Variants in COL19A1 observed in about 807,000 individuals in gnomAD.
COL19A1 encodes collagen alpha-1(XIX) chain.
Under a neutral mutation model 190.2 loss-of-function variants are expected in COL19A1, and 159 were observed. The observed-to-expected ratio is 0.84, with a 90% CI of 0.73 to 0.95. COL19A1 has a LOEUF of 0.95. Among genes scored for constraint, COL19A1 ranks in the 40% least tolerant of loss-of-function variants. The pLI, the probability that COL19A1 is intolerant of heterozygous loss-of-function variation, is 0.00. For synonymous variants in COL19A1, 509 were observed against 458.9 expected, an observed-to-expected ratio of 1.11 and a Z score of -1.39; for missense variants, 1,418 against 1,431.9, an observed-to-expected ratio of 0.99 and a Z score of 0.16.
chr6:70,024,064 G>T (rs1778595386), intron 12 of COL19A1, among the ~76,000 whole-genome samples: 1 of 152,060 alleles, frequency 6.6e-6, no homozygotes, highest in Non-Finnish European at 1.5e-5. Context: ...GTATTGGTAG[G>T]CTTTCAGTGA....
intron 16 of COL19A1, among the ~76,000 whole-genome samples, chr6:70,116,649 T>C (rs1004351810): frequency 2.2e-5 from 2 of 90,004 alleles, no homozygotes; most frequent in Non-Finnish European, 4.5e-5. Flanking sequence ...CTAATGACTG[T>C]TTTTTTTTCT....
intron 4 of COL19A1, among the ~76,000 whole-genome samples, chr6:69,922,444 G>T (rs1213579252): frequency 1.4e-5 from 2 of 144,696 alleles, no homozygotes; most frequent in African/African-American, 2.6e-5. Context: ...TTTTGAACTA[G>T]ATTATAAATT....
intron 9 of COL19A1, among the ~76,000 whole-genome samples, chr6:69,943,193 CT>C (rs902719521): frequency 3.3e-5 from 5 of 152,030 alleles, no homozygotes; most frequent in African/African-American, 1.2e-4. Context: ...TGTATGTCTT[CT>C]TTTGAGAAGT....
intron 34 of COL19A1, among the ~76,000 whole-genome samples, chr6:70,161,411 T>C (rs1212175155): frequency 6.6e-6 from 1 of 152,200 alleles, no homozygotes. Flanking sequence ...AATCACCAGA[T>C]TAAATTATGT....
intron 8 of COL19A1, 143 bp from the exon 9 acceptor site, chr6:69,937,895 G>A: frequency 4.6e-6 from 3 of 653,188 alleles, no homozygotes; most frequent in Non-Finnish European, 7.9e-6. Context: ...TTGTTCACGT[G>A]GCTCACTATT....
intron 4 of COL19A1, among the ~76,000 whole-genome samples, chr6:69,910,685 T>G (rs1357882021): frequency 1.3e-5 from 2 of 152,156 alleles, no homozygotes; most frequent in Admixed American, 6.5e-5. Context: ...ATATATTAGA[T>G]TTTTTTCTTT....
intron 48 of COL19A1, among the ~76,000 whole-genome samples, chr6:70,193,749 C>T (rs986686276): frequency 6.6e-6 from 1 of 152,208 alleles, no homozygotes; most frequent in African/African-American, 2.4e-5. Flanking sequence ...CAAAACTGTG[C>T]CTGAAACCCA....
At chr6:69,956,282 A>C (rs1365866178) in intron 9 of COL19A1, among the ~76,000 whole-genome samples, 2 of 152,068 alleles carry the variant, frequency 1.3e-5, no homozygotes, top group Admixed American at 1.3e-4. Context: ...AATTGGCCTT[A>C]TCCTGAGCAT....
At chr6:70,049,143 T>C (rs12212536) in intron 14 of COL19A1, among the ~76,000 whole-genome samples, 48,906 of 151,770 alleles carry the variant, frequency 0.32, 9,960 homozygotes, top group Non-Finnish European at 0.45. Context: ...ACTTTATGAG[T>C]TGCCTAAATT....
At chr6:69,986,221 TTATATATATATATATA>T (rs57648174) in intron 11 of COL19A1, among the ~76,000 whole-genome samples, 4 of 138,290 alleles carry the variant, frequency 2.9e-5, no homozygotes, top group African/African-American at 1.1e-4. Context: ...CTTACACGTT[TTATATATATATATATA>T]TATATATATA....
At chr6:69,955,733 C>T (rs1348696657) in intron 9 of COL19A1, among the ~76,000 whole-genome samples, 1 of 151,934 alleles carries the variant, frequency 6.6e-6, no homozygotes, top group Non-Finnish European at 1.5e-5. Context: ...TCCAAACTAT[C>T]ATTTGAAAAA....
At position 70,166,913 on chromosome 6, in the gene COL19A1, G is replaced by A. The variant is rs144322393; in HGVS notation, c.2445+928G>A. ...AACAGCAAATATAACATGAGTTCAT[G>A]AAAGGGACCTATAATTTTATAATGC... On this transcript the variant is annotated intron_variant, in intron 37 of 50. Transcript: ENST00000620364. Among the ~76,000 whole-genome samples, 848 of 152,326 alleles carry A rather than the reference G, an allele frequency of 5.6e-3. 13 individuals are homozygous for A. The highest frequency in any genetic ancestry group is 0.019 in the African/African-American group (804 of 41,582).
intron 12 of COL19A1, among the ~76,000 whole-genome samples, chr6:70,025,713 C>T (rs1163716281): frequency 2.0e-5 from 3 of 152,172 alleles, no homozygotes; most frequent in African/African-American, 4.8e-5. Context: ...TAGTACTTAG[C>T]ACATGTTTGG....
In COL19A1 at chr6:69,928,047, G is replaced by C; in HGVS notation, c.390+15G>C. 6.2e-7 allele frequency: 1 copy of C among 1,608,422 alleles called. No individual in the cohort carries two copies. The highest frequency in any genetic ancestry group is 8.5e-7 in the Non-Finnish European group (1 of 1,176,462). ...ATATTCCACAGGTAAAGTACCATTAGAGTTGTGCTCATTAGTTTTCCTTGT... is the reference window on the plus strand; with the variant it reads ...ATATTCCACAGGTAAAGTACCATTACAGTTGTGCTCATTAGTTTTCCTTGT... On this transcript the variant is annotated intron_variant, in intron 5 of 50. Coordinates refer to ENST00000620364, the MANE Select transcript of COL19A1 (RefSeq NM_001858.6).
intron 15 of COL19A1, among the ~76,000 whole-genome samples, chr6:70,090,411 A>C (rs1782841571): frequency 6.6e-6 from 1 of 152,172 alleles, no homozygotes; most frequent in Admixed American, 6.6e-5. Flanking sequence ...TATTATAAGT[A>C]ATCTAAAGAT....
intron 14 of COL19A1, 28 bp downstream of exon 14, chr6:70,035,967 A>G: frequency 6.2e-7 from 1 of 1,606,476 alleles, no homozygotes; most frequent in Non-Finnish European, 8.5e-7. Flanking sequence ...CAAAATTCAA[A>G]ATTGAAATCC....
chr6:69,925,561 C>T (rs1364426955), intron 4 of COL19A1, among the ~76,000 whole-genome samples: 1 of 152,136 alleles, frequency 6.6e-6, no homozygotes, highest in Admixed American at 6.5e-5. Context: ...ATTGACTTGG[C>T]AATGCGGGCT....
chr6:70,059,812 T>A (rs750497608), intron 14 of COL19A1: 1 of 518,554 alleles, frequency 1.9e-6, no homozygotes, highest in Non-Finnish European at 3.9e-6. Flanking sequence ...TAAATCTGTA[T>A]GTGTGCAAAA....
intron 15 of COL19A1, among the ~76,000 whole-genome samples, chr6:70,096,483 A>T (rs576906824): frequency 1.3e-5 from 2 of 152,194 alleles, no homozygotes; most frequent in East Asian, 3.9e-4. Context: ...TGCAGTAGGA[A>T]TTTTACCAGT....
Sources: gnomAD v4.1 joint callset for allele counts (sites outside exome capture counted in the v4.1 genomes callset) on GRCh38, gnomAD v4.1.1 for gene constraint, MANE v1.5 for transcripts, NCBI Gene and HGNC (gene_info 2026-07-23, HGNC 2026-07-21) for gene names.